COP1: variants seen among roughly 807,000 people sequenced by gnomAD.
COP1 encodes E3 ubiquitin-protein ligase COP1.
Under a neutral mutation model 101.3 loss-of-function variants are expected in COP1, and 24 were observed. The observed-to-expected ratio is 0.24, with a 90% CI of 0.17 to 0.33. COP1 has a LOEUF of 0.33. Ranked by LOEUF, COP1 falls within the 10% of genes least tolerant of loss-of-function variation. The pLI, the probability that COP1 is intolerant of heterozygous loss-of-function variation, is 1.00. For missense variants in COP1, 663 were observed against 906.2 expected (o/e 0.73, Z 3.45); for synonymous variants, 347 against 341.9 (o/e 1.01, Z -0.17).
At chr1:176,143,979 C>CA (rs1691167429) in intron 6 of COP1, among the ~76,000 whole-genome samples, 1 of 152,064 alleles carries the variant, frequency 6.6e-6, no homozygotes, top group East Asian at 1.9e-4. Flanking sequence ...AAAGTACCTA[C>CA]AAAAAACCTA....
At chr1:176,171,619 G>A (rs991738443) in intron 3 of COP1, among the ~76,000 whole-genome samples, 2 of 152,160 alleles carry the variant, frequency 1.3e-5, no homozygotes, top group Non-Finnish European at 2.9e-5. Flanking sequence ...GATATGAAGT[G>A]AGCACATGGT....
intron 6 of COP1, among the ~76,000 whole-genome samples, chr1:176,148,213 T>G (rs532862243): frequency 6.6e-6 from 1 of 152,228 alleles, no homozygotes; most frequent in Admixed American, 6.5e-5. Flanking sequence ...AAAAAATATT[T>G]AGCTATTCAA....
At chr1:176,085,696 T>C in intron 10 of COP1, 80 bp downstream of exon 10, 1 of 757,854 alleles carries the variant, frequency 1.3e-6, no homozygotes, top group Non-Finnish European at 2.1e-6. Flanking sequence ...AATTAGGACT[T>C]TCCATAAATT....
At chr1:175,976,270 C>CTTT (rs10694480) in intron 18 of COP1, among the ~76,000 whole-genome samples, 16,025 of 56,204 alleles carry the variant, frequency 0.29, 5,634 homozygotes, top group East Asian at 0.46. Flanking sequence ...ATTAGTCATT[C>CTTT]TTTTTTTTTT....
chr1:175,968,143 TACAGGTGTGAGCCAC>T (rs1456667168), intron 18 of COP1, among the ~76,000 whole-genome samples: 1 of 152,242 alleles, frequency 6.6e-6, no homozygotes, highest in African/African-American at 2.4e-5. Context: ...GTGCTGGGAT[TACAGGTGTGAGCCAC>T]CATGCTCGGC....
At chr1:176,019,512 C>A (rs1314150748) in intron 15 of COP1, among the ~76,000 whole-genome samples, 4 of 142,570 alleles carry the variant, frequency 2.8e-5, no homozygotes, top group Non-Finnish European at 4.6e-5. Context: ...TAATAACCAT[C>A]ATCATCATCA....
At chr1:176,129,194 C>T (rs181478113) in intron 8 of COP1, among the ~76,000 whole-genome samples, 1 of 151,872 alleles carries the variant, frequency 6.6e-6, no homozygotes, top group Admixed American at 6.6e-5. Context: ...GTTAAATACT[C>T]TTAGCCTCCA....
intron 14 of COP1, among the ~76,000 whole-genome samples, chr1:176,034,784 T>C (rs139125936): frequency 6.6e-6 from 1 of 152,312 alleles, no homozygotes; most frequent in Non-Finnish European, 1.5e-5. Flanking sequence ...AGTCCTAAAC[T>C]AAGCTCTAAC....
chr1:176,085,324 C>T (rs2149420275), intron 10 of COP1, among the ~76,000 whole-genome samples: 1 of 152,096 alleles, frequency 6.6e-6, no homozygotes, highest in East Asian at 1.9e-4. Flanking sequence ...CTCCTGTAAA[C>T]TTATTTAACA....
rs535195502 is a variant in COP1 at position 176,075,769 on chromosome 1, C to T, written c.1277+5383G>A. 5.3e-5 allele frequency among the ~76,000 whole-genome samples: 8 copies of T among 152,042 alleles called. No homozygotes were observed. The South Asian group carries it at 1.7e-3, about 32-fold the overall frequency. On this transcript the variant is annotated intron_variant, in intron 11 of 19. Transcript: ENST00000367669. ...CCTGTAATACCAGTAGTTTGGGAGGCCGAGGCAGGTGGATCAAGAGGTCAG... is the reference window on the plus strand; with the variant it reads ...CCTGTAATACCAGTAGTTTGGGAGGTCGAGGCAGGTGGATCAAGAGGTCAG...
At chr1:176,124,198 G>A (rs1390009420) in intron 8 of COP1, among the ~76,000 whole-genome samples, 1 of 152,012 alleles carries the variant, frequency 6.6e-6, no homozygotes, top group East Asian at 1.9e-4. Context: ...CATGCAATAT[G>A]TAATATCACA....
intron 1 of COP1, among the ~76,000 whole-genome samples, chr1:176,189,239 G>A (rs948360236): frequency 5.9e-5 from 9 of 152,084 alleles, no homozygotes; most frequent in African/African-American, 2.2e-4. Flanking sequence ...CTGTCTAATT[G>A]AGAATTTTTT....
chr1:176,136,618 A>C, intron 6 of COP1, 71 bp from the exon 7 acceptor site: 1 of 962,606 alleles, frequency 1.0e-6, no homozygotes, highest in East Asian at 2.6e-5. Context: ...CATCACCATG[A>C]TCATAAAATA....
At chr1:175,998,338 C>T (rs1183005356) in intron 15 of COP1, among the ~76,000 whole-genome samples, 1 of 151,494 alleles carries the variant, frequency 6.6e-6, no homozygotes, top group Non-Finnish European at 1.5e-5. Flanking sequence ...GGAGGGATAG[C>T]TTTAGGAGAT....
At chr1:176,042,944 G>C (rs944035069) in intron 14 of COP1, among the ~76,000 whole-genome samples, 1 of 151,752 alleles carries the variant, frequency 6.6e-6, no homozygotes. Context: ...CAGGAGAATC[G>C]CTTGAACCCG....
At chr1:176,181,668 C>T (rs369426728) in intron 2 of COP1, among the ~76,000 whole-genome samples, 2 of 151,916 alleles carry the variant, frequency 1.3e-5, no homozygotes, top group South Asian at 2.1e-4. Flanking sequence ...TGGTGAACCC[C>T]GTCTCTACTA....
intron 9 of COP1, among the ~76,000 whole-genome samples, chr1:176,113,149 C>T (rs146153480): frequency 2.2e-4 from 34 of 152,200 alleles, no homozygotes; most frequent in Non-Finnish European, 4.6e-4. Flanking sequence ...AATGGCTGTA[C>T]GACTTTACAT....
At chr1:176,042,518 A>G (rs1215068917) in intron 14 of COP1, among the ~76,000 whole-genome samples, 1 of 112,754 alleles carries the variant, frequency 8.9e-6, no homozygotes, top group African/African-American at 3.5e-5. Flanking sequence ...AGCCGAGATC[A>G]CCCCACTGCA....
Position 176,043,693 on chromosome 1 carries a change from C to G in COP1, c.1530+17G>C. On this transcript the variant is annotated intron_variant, in intron 13 of 19. Transcript: ENST00000367669. ...AATGTATGATTCATATAACATGTAA[C>G]TAGTACCCTTATTTACCTGATAGAC... 7.6e-7 allele frequency: 1 copy of G among 1,316,876 alleles called. No individual in the cohort carries two copies. The highest frequency in any genetic ancestry group is 1.1e-6 in the Non-Finnish European group (1 of 911,190). The allele number at this position is 1,316,876 out of a possible 1,614,324, so 81.6% of individuals were successfully genotyped here.
Sources: gnomAD v4.1 joint callset for allele counts (sites outside exome capture counted in the v4.1 genomes callset) on GRCh38, gnomAD v4.1.1 for gene constraint, MANE v1.5 for transcripts, NCBI Gene and HGNC (gene_info 2026-07-23, HGNC 2026-07-21) for gene names.